Variants in LPIN2 observed in about 807,000 individuals in gnomAD.
The protein encoded by LPIN2 is lipin 2, also known as phosphatidate phosphatase LPIN2.
LPIN2 carries 55 observed loss-of-function variants against 111.4 expected under a neutral mutation model. That is an observed-to-expected ratio of 0.49 (90% confidence interval 0.40 to 0.62). The LOEUF is 0.62. LPIN2 is among the 20% of genes least tolerant of loss of function. The probability of loss-of-function intolerance (pLI) is 0.00; values close to 1 mark genes in which losing one functional copy is unlikely to be tolerated. For synonymous variants in LPIN2, 425 were observed against 414.0 expected (o/e 1.03, Z -0.32); for missense variants, 992 against 1,112.1 (o/e 0.89, Z 1.54).
chr18:3,012,434 G>A (rs2078620248), intron 1 of LPIN2, among the ~76,000 whole-genome samples: 2 of 152,244 alleles, frequency 1.3e-5, no homozygotes, highest in South Asian at 2.1e-4. Flanking sequence ...TGGACAGAGA[G>A]GCTCTCAGTA....
At chr18:2,989,925 A>T (rs2078240425) in intron 1 of LPIN2, among the ~76,000 whole-genome samples, 1 of 152,040 alleles carries the variant, frequency 6.6e-6, no homozygotes, top group South Asian at 2.1e-4. Flanking sequence ...GTCTCAAAAA[A>T]AAAAAAAAAA....
At chr18:2,949,090 AC>A (rs1353060317) in intron 4 of LPIN2, among the ~76,000 whole-genome samples, 1 of 152,204 alleles carries the variant, frequency 6.6e-6, no homozygotes, top group Non-Finnish European at 1.5e-5. Context: ...GGCATGGGCT[AC>A]CGTGCCCGGC....
chr18:3,006,080 A>C (rs1284669890), intron 1 of LPIN2, among the ~76,000 whole-genome samples: 1 of 152,178 alleles, frequency 6.6e-6, no homozygotes, highest in African/African-American at 2.4e-5. Context: ...AAACAGCATT[A>C]TTATCTGTAC....
At position 2,917,400 on chromosome 18, in the gene LPIN2, G is replaced by T. The variant is rs1228823537; in HGVS notation, c.*2893C>A. On this transcript the variant is annotated 3_prime_UTR_variant, in exon 20 of 20. Transcript: ENST00000677752. The stretch of plus-strand genomic sequence containing the variant: ...CTGTTTTTGCCAACTTGTAAAAAGT[G>T]AAAGAGCTGACTTCCTTGTTTATTC... The T allele has an allele frequency of 6.6e-6, 1 of 152,044 alleles. No individual in the cohort carries two copies. The highest frequency in any genetic ancestry group is 1.5e-5 in the Non-Finnish European group (1 of 68,026). 9.4% of individuals were successfully genotyped at this position (152,044 alleles called of 1,614,324 possible).
At chr18:2,939,353 C>CA in intron 6 of LPIN2, 127 bp downstream of exon 6, 2 of 1,112,742 alleles carry the variant, frequency 1.8e-6, no homozygotes, top group Non-Finnish European at 1.4e-6. Context: ...ACTTTTATGA[C>CA]ATGAGGGCAC....
At position 2,938,010 on chromosome 18, in the gene LPIN2, G is replaced by A; in HGVS notation, c.850C>T (p.His284Tyr). ...GGTGTAATTGTAGCTGTCCTAGGAT[G>A]ATGGTCAGATCGTTCTCTTTTGCTG... ...KVSKRERSDH[H>Y]PRTATITPSE... The change falls in exon 7 of 20, where the codon CAT becomes TAT. Residue 284 changes from histidine to tyrosine, a missense_variant. By Grantham distance (83) the His-to-Tyr change is moderately conservative. This residue lies in a region of LPIN2 where 709 missense variants were observed against 753.2 expected (regional missense o/e 0.94). Transcript: ENST00000677752. 3.1e-6 allele frequency: 5 copies of A among 1,614,068 alleles called. No homozygotes were observed. Among genetic ancestry groups the A allele is most frequent in the Non-Finnish European group, 4.2e-6 (5 of 1,180,000 alleles).
Position 2,958,720 on chromosome 18 carries a change from T to C in LPIN2, c.192+1929A>G, listed in dbSNP as rs527312253. On this transcript the variant is annotated intron_variant, in intron 2 of 19. Coordinates refer to ENST00000677752, the MANE Select transcript of LPIN2 (RefSeq NM_001375808.2). ...GTACATTCCTATTAAAAATGCAACGTTTTGACAAGATAGTAACACAACGAT... is the reference window on the plus strand; with the variant it reads ...GTACATTCCTATTAAAAATGCAACGCTTTGACAAGATAGTAACACAACGAT... Among the ~76,000 whole-genome samples the C allele has an allele frequency of 6.6e-5, 10 of 152,274 alleles. No individual in the cohort carries two copies. In the South Asian group the frequency reaches 2.1e-3, roughly 32 times the overall value.
intron 2 of LPIN2, among the ~76,000 whole-genome samples, chr18:2,959,662 G>A (rs2077676694): frequency 1.3e-5 from 2 of 152,190 alleles, no homozygotes; most frequent in Admixed American, 1.3e-4. Context: ...ATAACCTGAA[G>A]AGGATAAGAA....
chr18:2,920,257 G>C lies in LPIN2; in HGVS notation c.*36C>G, dbSNP rs765367983. ...AGCTGCCTTCCCTTGCTGTGGGGAG[G>C]GGGACCAAGCCCTGCCCACCCACTG... On this transcript the variant is annotated 3_prime_UTR_variant, in exon 20 of 20. Coordinates refer to ENST00000677752, the MANE Select transcript of LPIN2 (RefSeq NM_001375808.2). The C allele has an allele frequency of 1.9e-6, 3 of 1,613,606 alleles. No homozygotes were observed. The highest frequency in any genetic ancestry group is 1.1e-5 in the South Asian group (1 of 91,060).
intron 3 of LPIN2, among the ~76,000 whole-genome samples, chr18:2,951,975 A>C (rs1176645180): frequency 6.6e-6 from 1 of 152,250 alleles, no homozygotes; most frequent in Non-Finnish European, 1.5e-5. Flanking sequence ...TCCTGTAGGA[A>C]TTCAAAAGAA....
chr18:2,931,917 C>A (rs1028409909), intron 8 of LPIN2, among the ~76,000 whole-genome samples: 2 of 151,974 alleles, frequency 1.3e-5, no homozygotes, highest in Non-Finnish European at 2.9e-5. Flanking sequence ...TCTTTAAAAC[C>A]AAATCTTTTC....
At chr18:2,977,855 A>T (rs1488027044) in intron 1 of LPIN2, among the ~76,000 whole-genome samples, 1 of 152,224 alleles carries the variant, frequency 6.6e-6, no homozygotes, top group African/African-American at 2.4e-5. Flanking sequence ...AGTATTATTT[A>T]TGGAAGGCAA....
rs558770483 is a variant in LPIN2 at position 2,923,591 on chromosome 18, G to C, written c.2174+184C>G. 2.0e-4 allele frequency among the ~76,000 whole-genome samples: 30 copies of C among 152,244 alleles called. No homozygotes were observed. In the East Asian group the frequency reaches 3.9e-3, roughly 20 times the overall value. ...GTGAGGATTAACTGAGATGACACAG[G>C]TTCGATGCCAATGCCAGGTGCACAC... is the stretch of plus-strand genomic sequence containing the variant. On this transcript the variant is annotated intron_variant, in intron 16 of 19. Transcript: ENST00000677752.
chr18:2,987,440 A>G (rs1307958084), intron 1 of LPIN2, among the ~76,000 whole-genome samples: 1 of 152,234 alleles, frequency 6.6e-6, no homozygotes, highest in Non-Finnish European at 1.5e-5. Flanking sequence ...CAAAGAAAAT[A>G]TAAGTGAAAA....
intron 1 of LPIN2, among the ~76,000 whole-genome samples, chr18:2,969,208 T>C (rs528154264): frequency 6.6e-6 from 1 of 152,360 alleles, no homozygotes; most frequent in East Asian, 1.9e-4. Flanking sequence ...TAGGGAAGCA[T>C]AGTTCCATGT....
chr18:2,941,052 A>G (rs2077361017), intron 4 of LPIN2, among the ~76,000 whole-genome samples: 1 of 152,226 alleles, frequency 6.6e-6, no homozygotes, highest in African/African-American at 2.4e-5. Flanking sequence ...ATTTCATTGT[A>G]GATTTTAAGT....
chr18:2,923,058 G>GC (rs1441147497), intron 16 of LPIN2, among the ~76,000 whole-genome samples: 1 of 152,134 alleles, frequency 6.6e-6, no homozygotes, highest in Non-Finnish European at 1.5e-5. Flanking sequence ...CTCAAAGGGT[G>GC]CCCCAAGAGA....
intron 1 of LPIN2, among the ~76,000 whole-genome samples, chr18:2,992,558 T>C (rs1171322554): frequency 6.6e-6 from 1 of 152,018 alleles, no homozygotes; most frequent in East Asian, 1.9e-4. Context: ...AATTAGAAAA[T>C]TATGCAATGG....
chr18:2,996,121 A>G (rs1490260720), intron 1 of LPIN2, among the ~76,000 whole-genome samples: 2 of 152,142 alleles, frequency 1.3e-5, no homozygotes, highest in African/African-American at 4.8e-5. Flanking sequence ...CGGGCGGATC[A>G]TGAGGTCAGG....
Sources: allele counts gnomAD v4.1 joint callset (sites outside exome capture counted in the v4.1 genomes callset), GRCh38; gene constraint gnomAD v4.1.1; regional missense constraint gnomAD v4.1.1; transcripts MANE v1.5; gene names NCBI Gene and HGNC (gene_info 2026-07-23, HGNC 2026-07-21).